UBE2E2: variants seen among roughly 807,000 people sequenced by gnomAD.
UBE2E2 encodes ubiquitin-conjugating enzyme E2 E2.
A neutral mutation model predicts 24.7 loss-of-function variants in UBE2E2; 6 were observed. The ratio of observed to expected loss-of-function variants is 0.24; its 90% confidence interval spans 0.13 to 0.48. The LOEUF is 0.48. Ranked by LOEUF, UBE2E2 falls within the 20% of genes least tolerant of loss-of-function variation. The pLI, the probability that UBE2E2 is intolerant of heterozygous loss-of-function variation, is 0.99. For missense variants in UBE2E2, 169 were observed against 245.0 expected, an observed-to-expected ratio of 0.69 and a Z score of 2.07; for synonymous variants, 104 against 83.6, an observed-to-expected ratio of 1.24 and a Z score of -1.33.
intron 3 of UBE2E2, among the ~76,000 whole-genome samples, chr3:23,384,773 C>A (rs1412130262): frequency 2.0e-5 from 3 of 151,620 alleles, no homozygotes; most frequent in African/African-American, 7.3e-5. Context: ...GAACTCCTGA[C>A]CTCGTGATCC....
intron 3 of UBE2E2, among the ~76,000 whole-genome samples, chr3:23,330,577 C>T (rs1387623936): frequency 1.3e-5 from 2 of 152,172 alleles, no homozygotes; most frequent in Non-Finnish European, 2.9e-5. Flanking sequence ...AATTGAGTCA[C>T]TTGAATTTGG....
chr3:23,356,532 T>C (rs1695957403), intron 3 of UBE2E2, among the ~76,000 whole-genome samples: 1 of 152,180 alleles, frequency 6.6e-6, no homozygotes, highest in Admixed American at 6.5e-5. Context: ...TTATCCCGAA[T>C]TTATTTTTGT....
chr3:23,255,009 G>A (rs538040271), intron 3 of UBE2E2, among the ~76,000 whole-genome samples: 2 of 151,672 alleles, frequency 1.3e-5, no homozygotes, highest in South Asian at 4.2e-4. Flanking sequence ...GGTTTCTGAA[G>A]GCATATAACC....
intron 3 of UBE2E2, among the ~76,000 whole-genome samples, chr3:23,372,975 C>T (rs562571756): frequency 6.6e-6 from 1 of 152,174 alleles, no homozygotes; most frequent in African/African-American, 2.4e-5. Flanking sequence ...CAATGTGCCC[C>T]CTCTCATTGA....
chr3:23,552,227 C>A (rs1419649593), intron 5 of UBE2E2, among the ~76,000 whole-genome samples: 2 of 152,106 alleles, frequency 1.3e-5, no homozygotes, highest in African/African-American at 4.8e-5. Context: ...GGTGGCACCC[C>A]CCTGTAGTCC....
intron 3 of UBE2E2, among the ~76,000 whole-genome samples, chr3:23,224,490 T>G (rs2125327351): frequency 6.6e-6 from 1 of 152,172 alleles, no homozygotes; most frequent in South Asian, 2.1e-4. Context: ...GCCACTGATT[T>G]TTGTGTGTTG....
chr3:23,275,444 C>T (rs1227207688), intron 3 of UBE2E2, among the ~76,000 whole-genome samples: 3 of 152,030 alleles, frequency 2.0e-5, no homozygotes, highest in Admixed American at 6.5e-5. Context: ...TAAGGCTGGG[C>T]CTAGATCAAA....
intron 3 of UBE2E2, among the ~76,000 whole-genome samples, chr3:23,498,798 T>A (rs1699659817): frequency 6.6e-6 from 1 of 152,148 alleles, no homozygotes; most frequent in Non-Finnish European, 1.5e-5. Context: ...ATTAGCTAAA[T>A]CCTAATCTCA....
At chr3:23,412,827 T>C (rs1388922733) in intron 3 of UBE2E2, among the ~76,000 whole-genome samples, 1 of 152,166 alleles carries the variant, frequency 6.6e-6, no homozygotes, top group Non-Finnish European at 1.5e-5. Context: ...TTAACAACTT[T>C]GAGTGGGGAG....
chr3:23,412,696 A>T (rs1253451934), intron 3 of UBE2E2, among the ~76,000 whole-genome samples: 1 of 152,162 alleles, frequency 6.6e-6, no homozygotes. Context: ...TTATTCAAGT[A>T]CACTGACAAC....
chr3:23,234,238 C>T (rs1327989747), intron 3 of UBE2E2, among the ~76,000 whole-genome samples: 1 of 150,988 alleles, frequency 6.6e-6, no homozygotes, highest in African/African-American at 2.4e-5. Flanking sequence ...CTCCAGTTTG[C>T]CATCATTTTG....
intron 3 of UBE2E2, among the ~76,000 whole-genome samples, chr3:23,248,813 G>A (rs1697492542): frequency 6.6e-6 from 1 of 152,132 alleles, no homozygotes; most frequent in South Asian, 2.1e-4. Context: ...AACTTAGTCA[G>A]CTACTTCATC....
At chr3:23,208,645 C>T in intron 1 of UBE2E2, 47 bp from the exon 2 acceptor site, 1 of 1,440,628 alleles carries the variant, frequency 6.9e-7, no homozygotes, top group Non-Finnish European at 9.3e-7. Flanking sequence ...CTGGAGGTAG[C>T]TTACTGTAGT....
Position 23,454,432 on chromosome 3 carries a change from C to G in UBE2E2, c.228-45176C>G, listed in dbSNP as rs531950265. ...AAGACCTTTAAGGGAGGTCTCATGT[C>G]TGAGCGCTTTCCATCTACCTGCTGA... On this transcript the variant is annotated intron_variant, in intron 3 of 5. Coordinates refer to ENST00000396703, the MANE Select transcript of UBE2E2 (RefSeq NM_152653.4). 1.1e-4 allele frequency among the ~76,000 whole-genome samples: 16 copies of G among 152,336 alleles called. No homozygotes were observed. The East Asian group carries it at 2.9e-3, about 28-fold the overall frequency.
intron 3 of UBE2E2, among the ~76,000 whole-genome samples, chr3:23,446,231 A>G (rs1323901311): frequency 6.6e-6 from 1 of 152,160 alleles, no homozygotes; most frequent in African/African-American, 2.4e-5. Context: ...TTTTCTTAAC[A>G]GTAGATTTGA....
intron 3 of UBE2E2, among the ~76,000 whole-genome samples, chr3:23,289,503 A>G (rs1430164378): frequency 3.9e-5 from 6 of 152,184 alleles, no homozygotes; most frequent in Non-Finnish European, 7.3e-5. Context: ...TCTAGATACA[A>G]TTTTTCAAAT....
At chr3:23,396,448 A>G (rs979987948) in intron 3 of UBE2E2, among the ~76,000 whole-genome samples, 1 of 151,626 alleles carries the variant, frequency 6.6e-6, no homozygotes. Context: ...ACATACATGT[A>G]TATACACATA....
intron 4 of UBE2E2, among the ~76,000 whole-genome samples, chr3:23,519,107 C>G (rs1382263700): frequency 6.6e-6 from 1 of 152,228 alleles, no homozygotes; most frequent in Non-Finnish European, 1.5e-5. Context: ...AGACTCCAAT[C>G]TTATTTTCTA....
intron 3 of UBE2E2, among the ~76,000 whole-genome samples, chr3:23,250,111 G>A (rs1697532550): frequency 6.6e-6 from 1 of 152,128 alleles, no homozygotes; most frequent in Non-Finnish European, 1.5e-5. Flanking sequence ...CTAGTTCTCA[G>A]TAACTCTGAG....
Sources: allele counts gnomAD v4.1 joint callset (sites outside exome capture counted in the v4.1 genomes callset), GRCh38; gene constraint gnomAD v4.1.1; transcripts MANE v1.5; gene names NCBI Gene and HGNC (gene_info 2026-07-23, HGNC 2026-07-21).